The following ZIC1 variants were observed in gnomAD, a reference collection of about 807,000 sequenced individuals.
ZIC1 encodes the protein zinc finger protein ZIC 1.
Under a neutral mutation model 30.9 loss-of-function variants are expected in ZIC1, and 4 were observed. The observed-to-expected ratio is 0.13, with a 90% CI of 0.06 to 0.30. The LOEUF (loss-of-function observed/expected upper bound fraction) is 0.30, where lower values mean the gene tolerates loss of function less well. Ranked by LOEUF, ZIC1 falls within the 10% of genes least tolerant of loss-of-function variation. The probability of loss-of-function intolerance (pLI) is 1.00; values close to 1 mark genes in which losing one functional copy is unlikely to be tolerated. For synonymous variants in ZIC1, 305 were observed against 277.5 expected (o/e 1.10, Z -0.98); for missense variants, 441 against 639.3 (o/e 0.69, Z 3.34).
At chr3:147,411,493 T>G (rs1034249012) in intron 1 of ZIC1, among the ~76,000 whole-genome samples, 6 of 152,112 alleles carry the variant, frequency 3.9e-5, no homozygotes, top group Admixed American at 2.0e-4. Context: ...TCTCTCTCCG[T>G]GCACTTCACT....
At chr3:147,412,050 G>A (rs936400180) in intron 1 of ZIC1, among the ~76,000 whole-genome samples, 4 of 152,092 alleles carry the variant, frequency 2.6e-5, no homozygotes, top group Non-Finnish European at 5.9e-5. Context: ...GCTATAAAAT[G>A]TGAGTGTATG....
At chr3:147,412,767 C>T in intron 2 of ZIC1, 86 bp downstream of exon 2, 2 of 1,516,546 alleles carry the variant, frequency 1.3e-6, no homozygotes, top group Non-Finnish European at 1.8e-6. Context: ...GGCAGACAGG[C>T]GGTGGCGGGA....
At chr3:147,413,291 CCT>C in intron 2 of ZIC1, 61 bp from the exon 3 acceptor site, 2 of 1,556,480 alleles carry the variant, frequency 1.3e-6, no homozygotes, top group Non-Finnish European at 1.7e-6. Flanking sequence ...GCGGCCTTCG[CCT>C]CTCTAGTCGG....
intron 1 of ZIC1, among the ~76,000 whole-genome samples, chr3:147,411,597 G>A (rs1304488059): frequency 1.3e-5 from 2 of 152,224 alleles, no homozygotes; most frequent in African/African-American, 2.4e-5. Flanking sequence ...AATTGAGACA[G>A]AGTGGGGAAA....
chr3:147,413,309 G>T (rs754006468), intron 2 of ZIC1, 45 bp from the exon 3 acceptor site: 1 of 1,581,850 alleles, frequency 6.3e-7, no homozygotes, highest in South Asian at 1.2e-5. Context: ...GTCGGCCGCC[G>T]CACTGGCTCT....
chr3:147,411,206 G>T (rs942313082), intron 1 of ZIC1, 112 bp downstream of exon 1: 12 of 1,428,762 alleles, frequency 8.4e-6, no homozygotes, highest in Admixed American at 5.1e-5. Flanking sequence ...CCGGGCGTCA[G>T]GTTCCGGCAG....
rs750902943 is a variant in ZIC1, at chr3:147,413,457, C to G, written c.1250C>G (p.Pro417Arg). 1.7e-5 allele frequency: 28 copies of G among 1,614,194 alleles called. No homozygotes were observed. The Middle Eastern group carries it at 8.2e-4, about 48-fold the overall frequency. The change falls in exon 3 of 3, where the codon CCG (proline) becomes CGG (arginine). Residue 417 changes from proline to arginine, a missense_variant. Pro to Arg is a moderately radical substitution (Grantham distance 103). This residue lies in a region of ZIC1 where 56 missense variants were observed against 52.5 expected (regional missense o/e 1.07). Coordinates refer to ENST00000282928, the MANE Select transcript of ZIC1 (RefSeq NM_003412.4). ...PTIVSPSTDN[P>R]TTSSLSPSSS... ...ATCGTGTCTCCCTCCACAGACAACC[C>G]GACCACAAGCTCCTTATCGCCCTCC...
rs148494838 is a variant in ZIC1, at chr3:147,413,257, A to G, written c.1147-97A>G. 63 of 1,337,978 alleles carry G rather than the reference A, an allele frequency of 4.7e-5. 1 individual carries two copies. The highest frequency in any genetic ancestry group is 7.3e-5 in the African/African-American group (5 of 68,244). The allele number at this position is 1,337,978 out of a possible 1,614,324, so 82.9% of individuals were successfully genotyped here. A position where few individuals can be genotyped will look rare whatever the true frequency, so the allele number is the denominator to read the frequency against. On this transcript the variant is annotated intron_variant, in intron 2 of 2. Transcript: ENST00000282928. ...CCTCACCTGTGTTCAGGGGGCTCCA[A>G]GGGGTCCAGGAGGAAGGGCACTCGC...
At position 147,409,597 on chromosome 3, in the gene ZIC1, G is replaced by C. The variant is rs2087342962; in HGVS notation, c.-516G>C. 6.5e-6 allele frequency: 1 copy of C among 152,742 alleles called. No individual in the cohort carries two copies. Among genetic ancestry groups the C allele is most frequent in the South Asian group, 2.1e-4 (1 of 4,776 alleles). 9.5% of individuals were successfully genotyped at this position (152,742 alleles called of 1,614,324 possible). ...AGAGTGAAGGAGCGAGGAGGCGAGC[G>C]TGAGAGAAAGGAGAGAGAGAGAAAA... On this transcript the variant is annotated 5_prime_UTR_variant, in exon 1 of 3. Transcript: ENST00000282928.
intron 1 of ZIC1, among the ~76,000 whole-genome samples, chr3:147,412,028 G>C (rs187068642): frequency 3.3e-5 from 5 of 152,054 alleles, no homozygotes; most frequent in African/African-American, 1.2e-4. Context: ...AGTTCTCTCC[G>C]GCCCAGATTA....
Position 147,410,340 on chromosome 3 carries a change from C to T in ZIC1, c.228C>T (p.Ala76=). The change falls in exon 1 of 3, where the codon GCC becomes GCT. Residue 76 remains alanine (A), a synonymous_variant. Coordinates refer to ENST00000282928, the MANE Select transcript of ZIC1 (RefSeq NM_003412.4). The part of the protein sequence containing the change: ...SQAPGYAAAA[A]LGHHHHPGHV... ...CGCCAGGCTACGCGGCTGCTGCGGC[C>T]CTGGGCCATCACCATCACCCGGGCC... The T allele has an allele frequency of 1.2e-6, 2 of 1,600,502 alleles. No individual in the cohort carries two copies. The highest frequency in any genetic ancestry group is 1.7e-6 in the Non-Finnish European group (2 of 1,179,434).
chr3:147,412,379 TC>T lies in ZIC1; in HGVS notation c.983-137del, dbSNP rs1405578678. On this transcript the variant is annotated intron_variant, in intron 1 of 2. Coordinates refer to ENST00000282928, the MANE Select transcript of ZIC1 (RefSeq NM_003412.4). ...TGCAGATGTAAGAATTTATTGACGT[TC>T]CGGGTTTTTAAGCTTGCAAAGTGCT... 4.7e-5 allele frequency: 43 copies of T among 906,272 alleles called. 1 individual carries two copies. Among genetic ancestry groups the T allele is most frequent in the Non-Finnish European group, 6.8e-5 (40 of 589,454 alleles). The allele number at this position is 906,272 out of a possible 1,614,324, so 56.1% of individuals were successfully genotyped here. A position where few individuals can be genotyped will look rare whatever the true frequency, so the allele number is the denominator to read the frequency against.
In ZIC1 at chr3:147,413,322, A is replaced by T. The variant is rs1260434536; in HGVS notation, c.1147-32A>T. 4 of 1,603,048 alleles carry T rather than the reference A, an allele frequency of 2.5e-6. No individual in the cohort carries two copies. The Admixed American group carries it at 5.0e-5, about 20-fold the overall frequency. On this transcript the variant is annotated intron_variant, in intron 2 of 2. Transcript: ENST00000282928. The stretch of plus-strand genomic sequence containing the variant: ...TAGTCGGCCGCCGCACTGGCTCTTT[A>T]TGTCCGTAAAAACGCGACTTTATTC...
In ZIC1 at chr3:147,415,429, A is replaced by AT. The variant is rs2087425229; in HGVS notation, c.*1879dup. The AT allele has an allele frequency of 6.6e-6, 1 of 152,648 alleles. No homozygotes were observed. Among genetic ancestry groups the AT allele is most frequent in the Admixed American group, 6.5e-5 (1 of 15,282 alleles). 9.5% of individuals were successfully genotyped at this position (152,648 alleles called of 1,614,324 possible). A position where few individuals can be genotyped will look rare whatever the true frequency, so the allele number is the denominator to read the frequency against. On this transcript the variant is annotated 3_prime_UTR_variant, in exon 3 of 3. Coordinates refer to ENST00000282928, the MANE Select transcript of ZIC1 (RefSeq NM_003412.4). The stretch of plus-strand genomic sequence containing the variant: ...ATTGTCTTTCTTGCAGTTTAGTTTG[A>AT]TAGATTTGCAAGCTATGCTGCTTCC...
intron 1 of ZIC1, among the ~76,000 whole-genome samples, chr3:147,411,324 A>T (rs1363269443): frequency 1.3e-5 from 2 of 152,190 alleles, no homozygotes; most frequent in African/African-American, 4.8e-5. Context: ...TAGATTTTTT[A>T]AATGAGAAAC....
At position 147,413,701 on chromosome 3, in the gene ZIC1, G is replaced by A; in HGVS notation, c.*150G>A. 1 of 816,998 alleles carries A rather than the reference G, an allele frequency of 1.2e-6. No homozygotes were observed. The highest frequency in any genetic ancestry group is 1.8e-6 in the Non-Finnish European group (1 of 563,812). The allele number at this position is 816,998 out of a possible 1,614,324, so 50.6% of individuals were successfully genotyped here. ...AAAAATCTGCCAATAGACCCAGGAC[G>A]AGTAAGAGAGGAAGCATCAACCTTT... On this transcript the variant is annotated 3_prime_UTR_variant, in exon 3 of 3. Transcript: ENST00000282928.
Position 147,413,435 on chromosome 3 carries a change from G to A in ZIC1, c.1228G>A (p.Val410Met), listed in dbSNP as rs986012090. The A allele has an allele frequency of 1.9e-6, 3 of 1,614,022 alleles. No homozygotes were observed. Among genetic ancestry groups the A allele is most frequent in the Non-Finnish European group, 2.5e-6 (3 of 1,180,000 alleles). The change falls in exon 3 of 3, where the codon GTG becomes ATG. Residue 410 changes from valine (V) to methionine (M), a missense_variant. Physicochemically the swap from Val to Met is conservative, Grantham distance 21 (BLOSUM62 1). This residue lies in a region of ZIC1 where 56 missense variants were observed against 52.5 expected (regional missense o/e 1.07). Transcript: ENST00000282928. Reference protein sequence around the residue: ...GYESSTPPTIVSPSTDNPTTS... With the variant: ...GYESSTPPTIMSPSTDNPTTS... The stretch of plus-strand genomic sequence containing the variant: ...CGAATCCTCCACGCCTCCCACCATC[G>A]TGTCTCCCTCCACAGACAACCCGAC...
chr3:147,412,495 C>T, intron 1 of ZIC1, 23 bp from the exon 2 acceptor site: 1 of 1,613,104 alleles, frequency 6.2e-7, no homozygotes, highest in South Asian at 1.1e-5. Flanking sequence ...AATTAGACCC[C>T]TCTCATTCTA....
Position 147,410,278 on chromosome 3 carries a change from C to A in ZIC1, c.166C>A (p.Leu56Met). 6.2e-6 allele frequency: 10 copies of A among 1,600,496 alleles called. No homozygotes were observed. The highest frequency in any genetic ancestry group is 8.5e-6 in the Non-Finnish European group (10 of 1,179,590). ...AFKLNPSSHE[L>M]ASAGQTAFTS... ...CAAGCTCAACCCCAGTTCGCACGAG[C>A]TGGCTTCGGCCGGCCAGACGGCCTT... The change falls in exon 1 of 3, where the codon CTG (leucine) becomes ATG (methionine). Residue 56 changes from leucine to methionine, a missense_variant. By Grantham distance (15) the Leu-to-Met change is conservative (BLOSUM62 2). Transcript: ENST00000282928.
Sources: gnomAD v4.1 joint callset for allele counts (sites outside exome capture counted in the v4.1 genomes callset) on GRCh38, gnomAD v4.1.1 for gene constraint, gnomAD v4.1.1 regional missense constraint, MANE v1.5 for transcripts, NCBI Gene and HGNC (gene_info 2026-07-23, HGNC 2026-07-21) for gene names.